IMMP2L: variants seen among roughly 807,000 people sequenced by gnomAD.
IMMP2L encodes the protein inner mitochondrial membrane peptidase subunit 2, also known as mitochondrial inner membrane protease subunit 2.
In IMMP2L, 18 loss-of-function variants were observed where a neutral mutation model predicts 19.3. The observed-to-expected ratio is 0.93, with a 90% CI of 0.64 to 1.38. The LOEUF (loss-of-function observed/expected upper bound fraction) is 1.38. Among genes scored for constraint, IMMP2L ranks in the 40% most tolerant of loss-of-function variants. IMMP2L has a pLI of 0.00. For missense variants in IMMP2L, 233 were observed against 218.2 expected (o/e 1.07, Z -0.43); for synonymous variants, 76 against 73.0 (o/e 1.04, Z -0.21).
At chr7:111,153,669 A>G (rs1424809276) in intron 3 of IMMP2L, among the ~76,000 whole-genome samples, 1 of 152,090 alleles carries the variant, frequency 6.6e-6, no homozygotes, top group Non-Finnish European at 1.5e-5. Flanking sequence ...AACTCTTAAC[A>G]AACATATATA....
intron 5 of IMMP2L, among the ~76,000 whole-genome samples, chr7:110,771,657 T>C (rs1799046657): frequency 6.6e-6 from 1 of 152,182 alleles, no homozygotes; most frequent in African/African-American, 2.4e-5. Flanking sequence ...ATATTAAATG[T>C]TAACTAAACA....
intron 1 of IMMP2L, among the ~76,000 whole-genome samples, chr7:111,539,585 C>T (rs531177555): frequency 1.3e-5 from 2 of 151,138 alleles, no homozygotes; most frequent in East Asian, 3.9e-4. Context: ...GCTAAGTGAA[C>T]AGAGTTCTGA....
chr7:111,490,023 C>A (rs1383992315), intron 2 of IMMP2L, among the ~76,000 whole-genome samples: 2 of 151,348 alleles, frequency 1.3e-5, no homozygotes, highest in East Asian at 3.9e-4. Context: ...GTCTCGAACT[C>A]CTGATCTCGT....
At chr7:110,917,741 C>A (rs2129549961) in intron 4 of IMMP2L, among the ~76,000 whole-genome samples, 1 of 152,228 alleles carries the variant, frequency 6.6e-6, no homozygotes, top group African/African-American at 2.4e-5. Context: ...TTAAAAATCT[C>A]TGAACCATGT....
intron 3 of IMMP2L, among the ~76,000 whole-genome samples, chr7:111,392,547 G>T (rs1447875928): frequency 6.6e-6 from 1 of 152,138 alleles, no homozygotes; most frequent in Non-Finnish European, 1.5e-5. Flanking sequence ...GACATCAAGT[G>T]AGAAGTGTTT....
chr7:111,232,874 T>C (rs916312785), intron 3 of IMMP2L, among the ~76,000 whole-genome samples: 17 of 152,150 alleles, frequency 1.1e-4, no homozygotes, highest in African/African-American at 4.1e-4. Flanking sequence ...ACCCATTCTC[T>C]GTGTCTGCAA....
At chr7:110,901,283 T>A (rs78509008) in intron 4 of IMMP2L, among the ~76,000 whole-genome samples, 3,831 of 152,248 alleles carry the variant, frequency 0.025, 56 homozygotes, top group Middle Eastern at 0.058. Context: ...TGTGCCTGTA[T>A]GTATTTTCAA....
At chr7:110,837,749 G>A (rs1465078077) in intron 5 of IMMP2L, among the ~76,000 whole-genome samples, 1 of 152,118 alleles carries the variant, frequency 6.6e-6, no homozygotes, top group Non-Finnish European at 1.5e-5. Context: ...GGGGTTGGGA[G>A]GAAGGCAGGA....
intron 5 of IMMP2L, among the ~76,000 whole-genome samples, chr7:110,700,100 C>A (rs530245670): frequency 6.6e-6 from 1 of 152,132 alleles, no homozygotes; most frequent in African/African-American, 2.4e-5. Context: ...TTGTGAGACA[C>A]GGAGCAGAGG....
intron 5 of IMMP2L, among the ~76,000 whole-genome samples, chr7:110,860,114 A>C (rs1378883244): frequency 6.6e-6 from 1 of 152,096 alleles, no homozygotes. Flanking sequence ...CAATGGTTAG[A>C]TGGTCAGAAT....
intron 5 of IMMP2L, among the ~76,000 whole-genome samples, chr7:110,751,335 ACATACTT>A: frequency 6.6e-6 from 1 of 152,062 alleles, no homozygotes; most frequent in Admixed American, 6.6e-5. Flanking sequence ...TCCTTTAGAA[ACATACTT>A]AATATTTGGC....
At chr7:111,012,409 T>A (rs1293154271) in intron 3 of IMMP2L, among the ~76,000 whole-genome samples, 1 of 152,114 alleles carries the variant, frequency 6.6e-6, no homozygotes, top group East Asian at 1.9e-4. Flanking sequence ...AAAACAAATA[T>A]AAATTTCACC....
chr7:111,305,294 G>C (rs1313751040), intron 3 of IMMP2L, among the ~76,000 whole-genome samples: 1 of 152,126 alleles, frequency 6.6e-6, no homozygotes. Flanking sequence ...GGATCAGCTG[G>C]CTTCAGGGCT....
intron 3 of IMMP2L, among the ~76,000 whole-genome samples, chr7:111,205,157 A>AAAAAC (rs1478700930): frequency 2.0e-5 from 3 of 152,156 alleles, no homozygotes; most frequent in Non-Finnish European, 4.4e-5. Context: ...GTGGAAAGCC[A>AAAAAC]AAAACAAAAC....
intron 5 of IMMP2L, among the ~76,000 whole-genome samples, chr7:110,882,617 G>A (rs1373643925): frequency 6.6e-6 from 1 of 151,916 alleles, no homozygotes; most frequent in Non-Finnish European, 1.5e-5. Context: ...CTGACCTCAG[G>A]TGATCCACCC....
chr7:110,742,991 T>C (rs1444520027), intron 5 of IMMP2L, among the ~76,000 whole-genome samples: 1 of 151,292 alleles, frequency 6.6e-6, no homozygotes, highest in Non-Finnish European at 1.5e-5. Flanking sequence ...TAGGGAATTC[T>C]ATTAGTGGTG....
chr7:111,329,046 ATAATT>A (rs1392565846), intron 3 of IMMP2L, among the ~76,000 whole-genome samples: 1 of 151,908 alleles, frequency 6.6e-6, no homozygotes, highest in Non-Finnish European at 1.5e-5. Context: ...AAAGCCTACA[ATAATT>A]TAAAAGATCG....
chr7:110,990,869 A>C (rs1236515516), intron 3 of IMMP2L, among the ~76,000 whole-genome samples: 1 of 152,212 alleles, frequency 6.6e-6, no homozygotes, highest in Non-Finnish European at 1.5e-5. Flanking sequence ...ATAAACCCTC[A>C]ACAATGGCAA....
chr7:110,881,134 TTC>T (rs1445936364), intron 5 of IMMP2L, among the ~76,000 whole-genome samples: 1 of 152,150 alleles, frequency 6.6e-6, no homozygotes, highest in African/African-American at 2.4e-5. Flanking sequence ...TTGAGGGACT[TTC>T]TGTTTCATTT....
Sources: allele counts gnomAD v4.1 joint callset (sites outside exome capture counted in the v4.1 genomes callset), GRCh38; gene constraint gnomAD v4.1.1; transcripts MANE v1.5; gene names NCBI Gene and HGNC (gene_info 2026-07-23, HGNC 2026-07-21).